PDPN: variants seen among roughly 807,000 people sequenced by gnomAD.
PDPN encodes PA2.26 antigen.
Under a neutral mutation model 23.2 loss-of-function variants are expected in PDPN, and 12 were observed. The ratio of observed to expected loss-of-function variants is 0.52; its 90% CI spans 0.33 to 0.84. PDPN has a LOEUF of 0.84. Ranked by LOEUF, PDPN falls within the 40% of genes least tolerant of loss-of-function variation. The probability of loss-of-function intolerance (pLI) is 0.02; values close to 1 mark genes in which losing one functional copy is unlikely to be tolerated. For missense variants in PDPN, 199 were observed against 212.2 expected (o/e 0.94, Z 0.39); for synonymous variants, 77 against 76.7 (o/e 1.00, Z -0.02).
chr1:13,605,083 C>G (rs1027403442), intron 1 of PDPN, among the ~76,000 whole-genome samples: 1 of 152,216 alleles, frequency 6.6e-6, no homozygotes, highest in African/African-American at 2.4e-5. Flanking sequence ...AGTGAACTAA[C>G]TTCAGAGGCT....
rs1304407619 is a variant in PDPN at position 13,583,891 on chromosome 1, C to T, written c.-143C>T. The T allele has an allele frequency of 6.2e-7, 1 of 1,611,502 alleles. No homozygotes were observed. Among genetic ancestry groups the T allele is most frequent in the Non-Finnish European group, 8.5e-7 (1 of 1,178,662 alleles). ...TGGGAAGCTCGGGCACCCTCCCTCT[C>T]CGGGGCTCCTGCTCCCACCCCTCCG... On this transcript the variant is annotated 5_prime_UTR_variant, in exon 1 of 6. Coordinates refer to ENST00000621990, the MANE Select transcript of PDPN (RefSeq NM_006474.5).
chr1:13,594,714 C>T (rs564509600), intron 1 of PDPN, among the ~76,000 whole-genome samples: 13 of 151,994 alleles, frequency 8.6e-5, no homozygotes, highest in Non-Finnish European at 5.9e-5. Flanking sequence ...CTGCTGGGTA[C>T]GGTGGCTTAC....
At chr1:13,606,609 A>G in intron 1 of PDPN, among the ~76,000 whole-genome samples, 1 of 152,114 alleles carries the variant, frequency 6.6e-6, no homozygotes, top group Non-Finnish European at 1.5e-5. Flanking sequence ...TTGAGGTTAT[A>G]GTGAGCTATG....
chr1:13,589,777 T>C (rs967434176), intron 1 of PDPN, among the ~76,000 whole-genome samples: 1 of 152,216 alleles, frequency 6.6e-6, no homozygotes, highest in African/African-American at 2.4e-5. Flanking sequence ...GAGAGGTTGA[T>C]TCCTTCAAGT....
intron 1 of PDPN, among the ~76,000 whole-genome samples, chr1:13,593,842 A>C (rs902649225): frequency 1.3e-5 from 2 of 152,228 alleles, no homozygotes; most frequent in Non-Finnish European, 2.9e-5. Flanking sequence ...TTTGGTACTA[A>C]GTGGCCCTCC....
At chr1:13,592,438 G>A (rs545157134) in intron 1 of PDPN, among the ~76,000 whole-genome samples, 10 of 151,784 alleles carry the variant, frequency 6.6e-5, no homozygotes, top group Non-Finnish European at 1.3e-4. Context: ...TTGGGTCTTT[G>A]ATTCATTTAG....
intron 1 of PDPN, among the ~76,000 whole-genome samples, chr1:13,590,168 G>A (rs1056697537): frequency 2.6e-5 from 4 of 152,212 alleles, no homozygotes; most frequent in Admixed American, 2.0e-4. Flanking sequence ...TTTCCAGCTT[G>A]TATTAACTTT....
rs144400380 is a variant in PDPN, at chr1:13,607,074, CAAAAGAAATGG to C, written c.68-90_68-80del. The C allele has an allele frequency of 2.2e-3, 3,088 of 1,393,428 alleles. 46 individuals are homozygous for C. The African/African-American group carries it at 0.039, about 18-fold the overall frequency. 86.3% of individuals were successfully genotyped at this position (1,393,428 alleles called of 1,614,324 possible). ...GGACCAAAAATAAAACAAAAATTTC[CAAAAGAAATGG>C]AAAAGAAAATAATCCGAATGTAGCC... On this transcript the variant is annotated intron_variant, in intron 1 of 5. Coordinates refer to ENST00000621990, the MANE Select transcript of PDPN (RefSeq NM_006474.5).
At chr1:13,599,610 C>A (rs1194041578) in intron 1 of PDPN, among the ~76,000 whole-genome samples, 1 of 151,716 alleles carries the variant, frequency 6.6e-6, no homozygotes, top group African/African-American at 2.4e-5. Context: ...GTTCAAACTC[C>A]CGACCTCAAG....
At chr1:13,596,060 A>T in intron 1 of PDPN, 7 of 348,584 alleles carry the variant, frequency 2.0e-5, no homozygotes, top group South Asian at 1.6e-4. Context: ...TTAGCTGGAC[A>T]TGGTGGCAGG....
intron 1 of PDPN, among the ~76,000 whole-genome samples, chr1:13,605,880 T>C (rs1249977427): frequency 6.6e-6 from 1 of 152,182 alleles, no homozygotes; most frequent in Non-Finnish European, 1.5e-5. Context: ...CTTGGCCTCC[T>C]AAAGTGCTGG....
intron 1 of PDPN, among the ~76,000 whole-genome samples, chr1:13,602,270 G>T (rs904826356): frequency 1.3e-5 from 2 of 152,126 alleles, no homozygotes; most frequent in Non-Finnish European, 2.9e-5. Flanking sequence ...AGAGCTTGCC[G>T]TGAGCCGAGA....
At chr1:13,589,950 C>G (rs1387299420) in intron 1 of PDPN, among the ~76,000 whole-genome samples, 3 of 152,192 alleles carry the variant, frequency 2.0e-5, no homozygotes, top group Non-Finnish European at 4.4e-5. Context: ...GCCTCAGCCT[C>G]CCTAGTAGCT....
chr1:13,592,397 C>T (rs941616331), intron 1 of PDPN, among the ~76,000 whole-genome samples: 2 of 151,216 alleles, frequency 1.3e-5, no homozygotes, highest in South Asian at 2.1e-4. Flanking sequence ...AAGCTTACAG[C>T]GATTTACTCT....
rs34784418 is a variant in PDPN, at chr1:13,613,870, CTTTTTTTT to C, written c.370+159_370+166del. The C allele has an allele frequency of 6.7e-3, 1,462 of 218,310 alleles. 18 individuals carry two copies. The East Asian group carries it at 0.079, about 12-fold the overall frequency. 13.5% of individuals were successfully genotyped at this position (218,310 alleles called of 1,614,324 possible). On this transcript the variant is annotated intron_variant, in intron 4 of 5. Coordinates refer to ENST00000621990, the MANE Select transcript of PDPN (RefSeq NM_006474.5). ...AAACATTCCGAGAACAGATTTCAAG[CTTTTTTTT>C]TTTTTTTTTTTTTAAAGAGAGAAAA... is the stretch of plus-strand genomic sequence containing the variant.
Position 13,585,613 on chromosome 1 carries a change from C to T in PDPN, c.67+1513C>T, listed in dbSNP as rs377239949. 10 of 1,351,884 alleles carry T rather than the reference C, an allele frequency of 7.4e-6. No homozygotes were observed. In the African/African-American group the frequency reaches 1.5e-4, roughly 20 times the overall value. The allele number at this position is 1,351,884 out of a possible 1,614,324, so 83.7% of individuals were successfully genotyped here. A position where few individuals can be genotyped will look rare whatever the true frequency, so the allele number is the denominator to read the frequency against. ...CCCAGGGAAGCTTTAGCTGTGATTC[C>T]CTTCAGCCGGCTCCTGAATGTCAAA... On this transcript the variant is annotated intron_variant, in intron 1 of 5. Transcript: ENST00000621990.
intron 1 of PDPN, among the ~76,000 whole-genome samples, chr1:13,599,673 G>A (rs779795277): frequency 1.7e-4 from 26 of 152,096 alleles, no homozygotes; most frequent in Non-Finnish European, 2.8e-4. Context: ...CTTATCTGAT[G>A]TGTTGCTTAT....
chr1:13,594,828 T>C (rs992984056), intron 1 of PDPN, among the ~76,000 whole-genome samples: 164 of 133,808 alleles, frequency 1.2e-3, no homozygotes, highest in African/African-American at 4.5e-3. Context: ...CTACTAAAAA[T>C]ACAAAAAAAA....
At chr1:13,594,687 T>C (rs1369927342) in intron 1 of PDPN, among the ~76,000 whole-genome samples, 2 of 152,168 alleles carry the variant, frequency 1.3e-5, no homozygotes, top group African/African-American at 2.4e-5. Flanking sequence ...GCAAGACTTC[T>C]GTAAAGAACA....
Sources: allele counts gnomAD v4.1 joint callset (sites outside exome capture counted in the v4.1 genomes callset), GRCh38; gene constraint gnomAD v4.1.1; transcripts MANE v1.5; gene names NCBI Gene and HGNC (gene_info 2026-07-23, HGNC 2026-07-21).